The following ZNRF3 variants were observed in gnomAD, a reference collection of about 807,000 sequenced individuals.
The protein encoded by ZNRF3 is E3 ubiquitin-protein ligase ZNRF3.
ZNRF3 carries 23 observed loss-of-function variants against 72.5 expected under a neutral mutation model. That is an observed-to-expected ratio of 0.32 (90% CI 0.23 to 0.45). The LOEUF is 0.45. Ranked by LOEUF, ZNRF3 falls within the 20% of genes least tolerant of loss-of-function variation. The pLI, the probability that ZNRF3 is intolerant of heterozygous loss-of-function variation, is 1.00. For missense variants in ZNRF3, 1,169 were observed against 1,272.1 expected (o/e 0.92, Z 1.23); for synonymous variants, 610 against 545.3 (o/e 1.12, Z -1.65).
chr22:28,953,801 T>C (rs2035208493), intron 1 of ZNRF3, among the ~76,000 whole-genome samples: 1 of 152,220 alleles, frequency 6.6e-6, no homozygotes, highest in Non-Finnish European at 1.5e-5. Context: ...CAGTTTCCCA[T>C]GGTTTTACCT....
chr22:28,946,731 G>A (rs2035058918), intron 1 of ZNRF3, among the ~76,000 whole-genome samples: 1 of 152,192 alleles, frequency 6.6e-6, no homozygotes, highest in Non-Finnish European at 1.5e-5. Flanking sequence ...CATCAGAGTG[G>A]GAGGAGGGTG....
At chr22:29,052,831 T>A (rs540686577) in intron 8 of ZNRF3, among the ~76,000 whole-genome samples, 2,320 of 150,674 alleles carry the variant, frequency 0.015, 63 homozygotes, top group African/African-American at 0.049. Context: ...TAAAAAAAAA[T>A]TTTTTTTTAA....
At chr22:29,013,772 C>G (rs1248959386) in intron 2 of ZNRF3, among the ~76,000 whole-genome samples, 1 of 152,168 alleles carries the variant, frequency 6.6e-6, no homozygotes, top group African/African-American at 2.4e-5. Context: ...CAGATTCTAT[C>G]ACAGATTTTT....
At chr22:28,963,754 C>G (rs1302176984) in intron 1 of ZNRF3, among the ~76,000 whole-genome samples, 1 of 152,160 alleles carries the variant, frequency 6.6e-6, no homozygotes, top group African/African-American at 2.4e-5. Context: ...ATTAAGCTAC[C>G]TATGCCTGAT....
At chr22:29,024,626 G>C (rs1192360390) in intron 2 of ZNRF3, among the ~76,000 whole-genome samples, 1 of 152,086 alleles carries the variant, frequency 6.6e-6, no homozygotes, top group East Asian at 1.9e-4. Flanking sequence ...ACCATGAGAA[G>C]AGGCACTAGA....
Position 29,049,418 on chromosome 22 carries a change from C to G in ZNRF3, c.1237C>G (p.Pro413Ala). ...GCAGAGCCTCTATTCCCCGCAGACCCCCGCCTACATCCGCAGCTACCCACC... is the reference window on the plus strand; with the variant it reads ...GCAGAGCCTCTATTCCCCGCAGACCGCCGCCTACATCCGCAGCTACCCACC... ...GEQSLYSPQT[P>A]AYIRSYPPLH... The change falls in exon 8 of 9, where the codon CCC (proline) becomes GCC (alanine). Residue 413 changes from proline to alanine, a missense_variant. Coordinates refer to ENST00000544604, the MANE Select transcript of ZNRF3 (RefSeq NM_001206998.2). The surrounding 1 kb of genome is among the most constrained non-coding windows in gnomAD (Gnocchi z 5.2). 1 of 1,608,322 alleles carries G rather than the reference C, an allele frequency of 6.2e-7. No homozygotes were observed. Among genetic ancestry groups the G allele is most frequent in the Non-Finnish European group, 8.5e-7 (1 of 1,179,516 alleles).
intron 2 of ZNRF3, among the ~76,000 whole-genome samples, chr22:29,023,468 C>T (rs1437913412): frequency 1.3e-5 from 2 of 152,186 alleles, no homozygotes; most frequent in African/African-American, 4.8e-5. Flanking sequence ...CCCTCTTTGT[C>T]CCCCAGCATG....
At chr22:28,884,090 C>G (rs1334845613) in intron 1 of ZNRF3, 24 bp downstream of exon 1, 17 of 1,171,888 alleles carry the variant, frequency 1.5e-5, no homozygotes, top group Middle Eastern at 3.7e-4. Context: ...GCCCGGGCCC[C>G]GCGCCGCCTC....
At chr22:28,957,953 C>T (rs1431469877) in intron 1 of ZNRF3, among the ~76,000 whole-genome samples, 2 of 151,664 alleles carry the variant, frequency 1.3e-5, no homozygotes, top group African/African-American at 2.4e-5. Flanking sequence ...TTTGGGAGGC[C>T]GAGGCGGGCG....
chr22:28,935,668 TCTC>T (rs1428866714), intron 1 of ZNRF3, among the ~76,000 whole-genome samples: 1 of 152,180 alleles, frequency 6.6e-6, no homozygotes, highest in Admixed American at 6.5e-5. Flanking sequence ...CCTTCTCCCA[TCTC>T]CTCTTAGATT....
At chr22:29,018,932 G>A (rs771130623) in intron 2 of ZNRF3, among the ~76,000 whole-genome samples, 2 of 150,922 alleles carry the variant, frequency 1.3e-5, no homozygotes, top group Non-Finnish European at 3.0e-5. Flanking sequence ...GTTCTGGTCT[G>A]TGCCAGCTTG....
intron 1 of ZNRF3, among the ~76,000 whole-genome samples, chr22:28,969,863 G>A (rs1271275924): frequency 2.0e-5 from 3 of 152,184 alleles, no homozygotes; most frequent in Non-Finnish European, 4.4e-5. Flanking sequence ...GCTTGGTACA[G>A]GGTGGAAGCA....
At chr22:28,932,288 G>A (rs775765631) in intron 1 of ZNRF3, among the ~76,000 whole-genome samples, 7 of 152,042 alleles carry the variant, frequency 4.6e-5, no homozygotes, top group African/African-American at 7.2e-5. Flanking sequence ...AAATAAGGCC[G>A]GTATCTCAAA....
At chr22:29,037,668 C>T (rs1207809040) in intron 2 of ZNRF3, among the ~76,000 whole-genome samples, 1 of 152,180 alleles carries the variant, frequency 6.6e-6, no homozygotes, top group Non-Finnish European at 1.5e-5. Context: ...TCAATGGCCA[C>T]AGACATTATC....
At chr22:28,914,003 C>T (rs902947399) in intron 1 of ZNRF3, among the ~76,000 whole-genome samples, 3 of 152,162 alleles carry the variant, frequency 2.0e-5, no homozygotes, top group Admixed American at 6.5e-5. Context: ...TTAGACTCCC[C>T]GCAAGGTAGA....
At chr22:28,933,206 T>C (rs1177901436) in intron 1 of ZNRF3, among the ~76,000 whole-genome samples, 1 of 152,242 alleles carries the variant, frequency 6.6e-6, no homozygotes, top group Non-Finnish European at 1.5e-5. Context: ...TCATCTTCTC[T>C]TTCTTCTCCT....
chr22:28,944,754 CAAA>C (rs35578297), intron 1 of ZNRF3, among the ~76,000 whole-genome samples: 8 of 88,194 alleles, frequency 9.1e-5, no homozygotes, highest in Admixed American at 2.5e-4. Context: ...GACTCCATCT[CAAA>C]AAAAAAAAAA....
At chr22:28,974,674 G>A (rs183843813) in intron 1 of ZNRF3, among the ~76,000 whole-genome samples, 11 of 152,202 alleles carry the variant, frequency 7.2e-5, no homozygotes, top group East Asian at 5.8e-4. Context: ...TTGAGACAGA[G>A]TCTCACTCTT....
intron 1 of ZNRF3, among the ~76,000 whole-genome samples, chr22:28,919,042 C>T (rs938843060): frequency 7.9e-5 from 12 of 152,264 alleles, no homozygotes; most frequent in Middle Eastern, 3.4e-3. Flanking sequence ...AGAAATGAGA[C>T]GGAACAAAGC....
Sources: gnomAD v4.1 joint callset for allele counts (sites outside exome capture counted in the v4.1 genomes callset) on GRCh38, gnomAD v4.1.1 for gene constraint, Gnocchi (gnomAD v3.1) non-coding constraint, MANE v1.5 for transcripts, NCBI Gene and HGNC (gene_info 2026-07-23, HGNC 2026-07-21) for gene names.